CRYL1: variants seen among roughly 807,000 people sequenced by gnomAD.
The protein encoded by CRYL1 is lambda-crystallin homolog.
Under a neutral mutation model 36.6 loss-of-function variants are expected in CRYL1, and 29 were observed. The ratio of observed to expected loss-of-function variants is 0.79; its 90% CI spans 0.59 to 1.08. The LOEUF is 1.08. Among genes scored for constraint, CRYL1 ranks in the 50% least tolerant of loss-of-function variants. CRYL1 has a pLI of 0.00. For missense variants in CRYL1, 411 were observed against 407.9 expected, an observed-to-expected ratio of 1.01 and a Z score of -0.06; for synonymous variants, 152 against 151.5, an observed-to-expected ratio of 1.00 and a Z score of -0.02.
Position 20,481,416 on chromosome 13 carries a change from T to G in CRYL1, c.276+7954A>C, listed in dbSNP as rs889467192. On this transcript the variant is annotated intron_variant, in intron 3 of 7. Coordinates refer to ENST00000298248, the MANE Select transcript of CRYL1 (RefSeq NM_015974.3). This position sits in a 1 kb window ranked among gnomAD's most constrained non-coding sequence, Gnocchi z 4.1. ...ATAGGGACAAAGAACAGATCAGTGG[T>G]GGGCAAGGCCTGGGGAACGGTGGGA... Among the ~76,000 whole-genome samples, 2 of 152,102 alleles carry G rather than the reference T, an allele frequency of 1.3e-5. No individual in the cohort carries two copies. The highest frequency in any genetic ancestry group is 4.8e-5 in the African/African-American group (2 of 41,410).
chr13:20,449,727 T>A (rs1466564180), intron 3 of CRYL1, among the ~76,000 whole-genome samples: 1 of 152,124 alleles, frequency 6.6e-6, no homozygotes, highest in South Asian at 2.1e-4. Context: ...CTGAAACTGA[T>A]AAATGACTTC....
intron 3 of CRYL1, among the ~76,000 whole-genome samples, chr13:20,471,760 T>C (rs965948360): frequency 6.6e-6 from 1 of 152,182 alleles, no homozygotes; most frequent in South Asian, 2.1e-4. Flanking sequence ...CCATGGATGC[T>C]AAAATTCGAG....
At chr13:20,510,372 A>G (rs2033891144) in intron 2 of CRYL1, among the ~76,000 whole-genome samples, 1 of 152,202 alleles carries the variant, frequency 6.6e-6, no homozygotes, top group Non-Finnish European at 1.5e-5. Flanking sequence ...GCATTTTACT[A>G]AGTAAAAGAA....
At chr13:20,461,490 TA>T (rs1313215617) in intron 3 of CRYL1, among the ~76,000 whole-genome samples, 2 of 152,208 alleles carry the variant, frequency 1.3e-5, no homozygotes, top group African/African-American at 4.8e-5. Context: ...TAAAATTTAT[TA>T]ATCTTTATTA....
chr13:20,431,320 G>A (rs988178441), intron 5 of CRYL1: 16 of 985,334 alleles, frequency 1.6e-5, no homozygotes, highest in Non-Finnish European at 1.9e-5. Flanking sequence ...CCTACGCGGT[G>A]CAGCTGGGTA....
chr13:20,421,742 T>C (rs1035538714), intron 5 of CRYL1, among the ~76,000 whole-genome samples: 6 of 152,138 alleles, frequency 3.9e-5, no homozygotes, highest in African/African-American at 1.2e-4. Context: ...CTCAAGCACC[T>C]ATTGGTAATG....
chr13:20,505,092 AC>A (rs1344962373), intron 2 of CRYL1, among the ~76,000 whole-genome samples: 1 of 152,156 alleles, frequency 6.6e-6, no homozygotes, highest in Non-Finnish European at 1.5e-5. Context: ...ACAGTGGCTC[AC>A]GCCTGTAATC....
rs145787754 is a variant in CRYL1 at position 20,512,429 on chromosome 13, G to A, written c.149+14C>T. On this transcript the variant is annotated intron_variant, in intron 2 of 7. Coordinates refer to ENST00000298248, the MANE Select transcript of CRYL1 (RefSeq NM_015974.3). ...CCCACTTCCATTCCTTCTGGAGAGC[G>A]CCGGCTGGCCCACCTGATGTTTTCC... 14 of 1,582,632 alleles carry A rather than the reference G, an allele frequency of 8.8e-6. No individual in the cohort carries two copies. In the African/African-American group the frequency reaches 1.5e-4, roughly 17 times the overall value.
intron 5 of CRYL1, among the ~76,000 whole-genome samples, chr13:20,416,371 G>A (rs1360207988): frequency 1.3e-5 from 2 of 152,196 alleles, no homozygotes; most frequent in African/African-American, 4.8e-5. Flanking sequence ...AGAAACTCCC[G>A]GAACCGTCAA....
chr13:20,506,774 T>C (rs113606614), intron 2 of CRYL1, among the ~76,000 whole-genome samples: 156 of 152,334 alleles, frequency 1.0e-3, no homozygotes, highest in Admixed American at 2.0e-3. Flanking sequence ...GAAAAGTCTA[T>C]GGTAGCAGCG....
At chr13:20,508,869 A>AAAAAC (rs2033856905) in intron 2 of CRYL1, among the ~76,000 whole-genome samples, 1 of 15,458 alleles carries the variant, frequency 6.5e-5, no homozygotes, top group African/African-American at 1.1e-4. Context: ...AAAAAAAAAA[A>AAAAAC]AAAAAACAAA....
rs2033269273 is a variant in CRYL1 at position 20,481,194 on chromosome 13, T to C, written c.276+8176A>G. On this transcript the variant is annotated intron_variant, in intron 3 of 7. Coordinates refer to ENST00000298248, the MANE Select transcript of CRYL1 (RefSeq NM_015974.3). This position sits in a 1 kb window ranked among gnomAD's most constrained non-coding sequence, Gnocchi z 4.1. Reference sequence around the variant, plus strand: ...TCGTGCTTCCAGATGATCTCGTGAGTGTGTGAGGTGGGCTTGCCCCAGTCC... The same window carrying C: ...TCGTGCTTCCAGATGATCTCGTGAGCGTGTGAGGTGGGCTTGCCCCAGTCC... 6.6e-6 allele frequency among the ~76,000 whole-genome samples: 1 copy of C among 151,970 alleles called. No individual in the cohort carries two copies. The highest frequency in any genetic ancestry group is 6.6e-5 in the Admixed American group (1 of 15,246).
In CRYL1 at chr13:20,470,925, AAC is replaced by A. The variant is rs1490900846; in HGVS notation, c.276+18443_276+18444del. ...AACTCCATCTCAAAAAAAAAAAAAA[AAC>A]AAAAAAAAAAACCCATGACACACAT... On this transcript the variant is annotated intron_variant, in intron 3 of 7. Coordinates refer to ENST00000298248, the MANE Select transcript of CRYL1 (RefSeq NM_015974.3). 2.4e-3 allele frequency among the ~76,000 whole-genome samples: 355 copies of A among 148,660 alleles called. 25 individuals are homozygous for A. Among genetic ancestry groups the A allele is most frequent in the African/African-American group, 8.6e-3 (336 of 39,010 alleles).
At chr13:20,414,829 G>A (rs559781668) in intron 5 of CRYL1, among the ~76,000 whole-genome samples, 4 of 152,362 alleles carry the variant, frequency 2.6e-5, no homozygotes, top group South Asian at 2.1e-4. Context: ...CCTCCCGTCA[G>A]AGGATGCCTC....
chr13:20,512,341 GT>G, intron 2 of CRYL1, 101 bp downstream of exon 2: 1 of 811,436 alleles, frequency 1.2e-6, no homozygotes, highest in South Asian at 1.6e-5. Context: ...AGACGAAAAT[GT>G]GACATCACAG....
chr13:20,466,990 C>T (rs547509359), intron 3 of CRYL1, among the ~76,000 whole-genome samples: 66 of 152,086 alleles, frequency 4.3e-4, no homozygotes, highest in African/African-American at 1.5e-3. Context: ...CTCTGTTGCC[C>T]AGGCTGGAGT....
At chr13:20,489,883 G>A (rs2033475935) in intron 2 of CRYL1, among the ~76,000 whole-genome samples, 1 of 152,178 alleles carries the variant, frequency 6.6e-6, no homozygotes, top group South Asian at 2.1e-4. Context: ...CCAGGAGCTA[G>A]AAGCAACCTA....
intron 2 of CRYL1, among the ~76,000 whole-genome samples, chr13:20,499,386 T>C (rs1435308131): frequency 6.8e-6 from 1 of 146,866 alleles, no homozygotes; most frequent in African/African-American, 2.5e-5. Flanking sequence ...CAGTGGCTCA[T>C]GCCTTTAATC....
Position 20,420,701 on chromosome 13 carries a change from T to TTTTTTTTGTGTGTGTG in CRYL1, c.634-7315_634-7314insCACACACACAAAAAAA. Among the ~76,000 whole-genome samples the TTTTTTTTGTGTGTGTG allele has an allele frequency of 8.2e-4, 18 of 21,840 alleles. 5 individuals are homozygous for TTTTTTTTGTGTGTGTG. Among genetic ancestry groups the TTTTTTTTGTGTGTGTG allele is most frequent in the Admixed American group, 6.3e-3 (18 of 2,880 alleles). The allele number at this position is 21,840 out of a possible 152,430, so 14.3% of individuals were successfully genotyped here. On this transcript the variant is annotated intron_variant, in intron 5 of 7. Transcript: ENST00000298248. Reference sequence around the variant, plus strand: ...CTTTGACTTTTCTTTAAAATAGAGGTTGTGTGTGTGTGTGTGTGTGTGTGT... The same window carrying TTTTTTTTGTGTGTGTG: ...CTTTGACTTTTCTTTAAAATAGAGGTTTTTTTTGTGTGTGTGTGTGTGTGTGTGTGTGTGTGTGTGT...
Sources: gnomAD v4.1 joint callset for allele counts (sites outside exome capture counted in the v4.1 genomes callset) on GRCh38, gnomAD v4.1.1 for gene constraint, Gnocchi (gnomAD v3.1) non-coding constraint, MANE v1.5 for transcripts, NCBI Gene and HGNC (gene_info 2026-07-23, HGNC 2026-07-21) for gene names.